DHX9: variants seen among roughly 807,000 people sequenced by gnomAD.
DHX9 encodes DExH-box helicase 9.
Under a neutral mutation model 148.7 loss-of-function variants are expected in DHX9, and 27 were observed. That is an observed-to-expected ratio of 0.18 (90% CI 0.13 to 0.25). The LOEUF (loss-of-function observed/expected upper bound fraction) is 0.25. Among genes scored for constraint, DHX9 ranks in the 10% least tolerant of loss-of-function variants. The pLI is 1.00. For missense variants in DHX9, 796 were observed against 1,559.6 expected, an observed-to-expected ratio of 0.51 and a Z score of 8.25; for synonymous variants, 529 against 516.6, an observed-to-expected ratio of 1.02 and a Z score of -0.33.
chr1:182,849,303 T>G (rs924678452), intron 3 of DHX9, among the ~76,000 whole-genome samples: 1 of 152,198 alleles, frequency 6.6e-6, no homozygotes, highest in Non-Finnish European at 1.5e-5. Context: ...ACTTTCAATT[T>G]TACTCATTTC....
intron 7 of DHX9, 106 bp from the exon 8 acceptor site, chr1:182,857,998 G>C (rs1189570959): frequency 8.4e-7 from 1 of 1,188,112 alleles, no homozygotes; most frequent in African/African-American, 1.5e-5. Context: ...GGCATACCCT[G>C]TATTTTAGGG....
Position 182,872,461 on chromosome 1 carries a change from T to C in DHX9, c.1682T>C (p.Ile561Thr). ...GAATATTTCTTCAATTGCCCCATCA[T>C]TGAAGTTTATGGGAGGACTTACCCA... ...FCEYFFNCPI[I>T]EVYGRTYPVQ... The change falls in exon 15 of 28, where the codon ATT becomes ACT. Residue 561 changes from isoleucine (I) to threonine (T), a missense_variant. Ile to Thr is a moderately conservative substitution (Grantham distance 89). Around this residue, in one of 14 missense-constraint regions of DHX9, gnomAD observed 133 missense variants for 223.8 expected, o/e 0.59. Transcript: ENST00000367549. 3 of 1,614,050 alleles carry C rather than the reference T, an allele frequency of 1.9e-6. No individual in the cohort carries two copies. Among genetic ancestry groups the C allele is most frequent in the Non-Finnish European group, 2.5e-6 (3 of 1,179,972 alleles).
intron 6 of DHX9, chr1:182,855,618 G>A: frequency 1.0e-6 from 1 of 985,492 alleles, no homozygotes; most frequent in Non-Finnish European, 1.2e-6. Context: ...AAGCCTGGCT[G>A]AGAAACATAC....
chr1:182,870,170 T>A (rs1648499285), intron 14 of DHX9, among the ~76,000 whole-genome samples: 1 of 152,180 alleles, frequency 6.6e-6, no homozygotes, highest in African/African-American at 2.4e-5. Context: ...AAAAATAAGT[T>A]TTATCACAAA....
In DHX9 at chr1:182,887,512, T is replaced by G. The variant is rs1649390967; in HGVS notation, c.*78T>G. 1.5e-6 allele frequency: 2 copies of G among 1,320,706 alleles called. No homozygotes were observed. The highest frequency in any genetic ancestry group is 2.9e-5 in the South Asian group (2 of 69,190). 81.8% of individuals were successfully genotyped at this position (1,320,706 alleles called of 1,614,324 possible). A position where few individuals can be genotyped will look rare whatever the true frequency, so the allele number is the denominator to read the frequency against. ...TATGTGTTACGTGTTTTTTCCAGTA[T>G]GTTTATTTGCCACCAAAAAGTAAAT... On this transcript the variant is annotated 3_prime_UTR_variant, in exon 28 of 28. Transcript: ENST00000367549.
At chr1:182,842,757 G>C in intron 2 of DHX9, 80 bp downstream of exon 2, 2 of 1,121,368 alleles carry the variant, frequency 1.8e-6, no homozygotes, top group Non-Finnish European at 1.3e-6. Flanking sequence ...TCTGTTTGGA[G>C]ATGTTAATGT....
rs751453253 is a variant in DHX9 at position 182,887,331 on chromosome 1, C to T, written c.3710C>T (p.Pro1237Leu). ...RGNSGGDYRG[P>L]SGGYRGSGGF... ...AACTCTGGAGGAGACTACAGAGGGC[C>T]TAGTGGAGGCTACAGAGGATCTGGG... The change falls in exon 28 of 28, where the codon CCT becomes CTT. Residue 1237 changes from proline to leucine, a missense_variant. Around this residue, in one of 14 missense-constraint regions of DHX9, gnomAD observed 98 missense variants for 105.5 expected, o/e 0.93. Coordinates refer to ENST00000367549, the MANE Select transcript of DHX9 (RefSeq NM_001357.5). The T allele has an allele frequency of 3.1e-6, 5 of 1,613,908 alleles. No homozygotes were observed. In the Admixed American group the frequency reaches 8.3e-5, roughly 27 times the overall value.
At chr1:182,859,478 C>T (rs956049246) in intron 11 of DHX9, among the ~76,000 whole-genome samples, 3 of 152,130 alleles carry the variant, frequency 2.0e-5, no homozygotes, top group African/African-American at 4.8e-5. Context: ...TCAAAAGATA[C>T]ATTCTTCAGA....
chr1:182,859,062 T>C lies in DHX9; in HGVS notation c.1085T>C (p.Met362Thr). Residue 362 changes from methionine to threonine, a missense_variant, in exon 11 of 28, where the codon ATG becomes ACG. Coordinates refer to ENST00000367549, the MANE Select transcript of DHX9 (RefSeq NM_001357.5). ...CAGGCTACTCCAGAGCAAATAAGCA[T>C]GGACCTCAAGAATGAATTGATGTAC... ...LAFATPEQIS[M>T]DLKNELMYQL... The C allele has an allele frequency of 3.7e-6, 6 of 1,614,198 alleles. No homozygotes were observed. The highest frequency in any genetic ancestry group is 1.1e-5 in the South Asian group (1 of 91,076).
chr1:182,878,191 C>T lies in DHX9; in HGVS notation c.2351+18C>T, dbSNP rs1571319702. On this transcript the variant is annotated intron_variant, in intron 20 of 27. Coordinates refer to ENST00000367549, the MANE Select transcript of DHX9 (RefSeq NM_001357.5). ...TTTGAGAGGTAAGACCCATTCTTGA[C>T]CTTTAGTAAGGGATTTTTGTTCTGT... 1.9e-6 allele frequency: 3 copies of T among 1,613,276 alleles called. No individual in the cohort carries two copies. Among genetic ancestry groups the T allele is most frequent in the African/African-American group, 1.3e-5 (1 of 74,958 alleles).
intron 11 of DHX9, 95 bp from the exon 12 acceptor site, chr1:182,859,898 C>T (rs953838765): frequency 7.9e-7 from 1 of 1,262,306 alleles, no homozygotes; most frequent in Non-Finnish European, 1.1e-6. Flanking sequence ...GCCACCGCGC[C>T]CAGTCTATAG....
chr1:182,884,876 ATT>A (rs2102623007), intron 27 of DHX9, 63 bp downstream of exon 27: 2 of 1,534,356 alleles, frequency 1.3e-6, no homozygotes, highest in South Asian at 2.2e-5. Flanking sequence ...TAGGCCTAGA[ATT>A]CCTGAAGTTA....
chr1:182,850,043 C>A (rs1397878753), intron 3 of DHX9, among the ~76,000 whole-genome samples: 1 of 145,304 alleles, frequency 6.9e-6, no homozygotes, highest in Admixed American at 6.9e-5. Context: ...CATCCTCCAA[C>A]CCATCAAAAT....
At chr1:182,853,218 C>A in intron 4 of DHX9, 88 bp from the exon 5 acceptor site, 1 of 939,374 alleles carries the variant, frequency 1.1e-6, no homozygotes, top group Non-Finnish European at 1.6e-6. Context: ...AGCCTCCATG[C>A]CCGGCCATAA....
chr1:182,869,299 G>A (rs1322361190), intron 14 of DHX9, among the ~76,000 whole-genome samples: 2 of 152,098 alleles, frequency 1.3e-5, no homozygotes, highest in African/African-American at 2.4e-5. Context: ...GTTCGGCCCA[G>A]TCTGGTCCGG....
chr1:182,862,714 T>C (rs981553892), intron 12 of DHX9, among the ~76,000 whole-genome samples: 2 of 152,206 alleles, frequency 1.3e-5, no homozygotes, highest in African/African-American at 2.4e-5. Context: ...TGGGACCTTT[T>C]AGAACTTCAG....
At chr1:182,867,235 G>T (rs1648336536) in intron 14 of DHX9, among the ~76,000 whole-genome samples, 192 bp downstream of exon 14, 2 of 152,044 alleles carry the variant, frequency 1.3e-5, no homozygotes, top group Admixed American at 1.3e-4. Flanking sequence ...AAACTTTACA[G>T]AAAGCCTTTT....
chr1:182,861,022 G>C (rs1417207485), intron 12 of DHX9, among the ~76,000 whole-genome samples: 2 of 152,202 alleles, frequency 1.3e-5, no homozygotes, highest in Non-Finnish European at 2.9e-5. Context: ...TTTCAGAGGA[G>C]AGTTACAAAC....
chr1:182,867,077 A>G (rs773933648), intron 14 of DHX9, 34 bp downstream of exon 14: 5 of 1,305,298 alleles, frequency 3.8e-6, no homozygotes, highest in Admixed American at 2.5e-5. Context: ...AAGGTACTTA[A>G]TTCTGCTATT....
Sources: allele counts gnomAD v4.1 joint callset (sites outside exome capture counted in the v4.1 genomes callset), GRCh38; gene constraint gnomAD v4.1.1; regional missense constraint gnomAD v4.1.1; transcripts MANE v1.5; gene names NCBI Gene and HGNC (gene_info 2026-07-23, HGNC 2026-07-21).